ARHGAP18: variants seen among roughly 807,000 people sequenced by gnomAD.
ARHGAP18 encodes rho GTPase-activating protein 18.
In ARHGAP18, 67 loss-of-function variants were observed where a neutral mutation model predicts 86.2. The ratio of observed to expected loss-of-function variants is 0.78; its 90% CI spans 0.64 to 0.95. The LOEUF is 0.95. Ranked by LOEUF, ARHGAP18 falls within the 40% of genes least tolerant of loss-of-function variation. The probability of loss-of-function intolerance (pLI) is 0.00; values close to 1 mark genes in which losing one functional copy is unlikely to be tolerated. For missense variants in ARHGAP18, 691 were observed against 780.4 expected, an observed-to-expected ratio of 0.89 and a Z score of 1.37; for synonymous variants, 283 against 280.4, an observed-to-expected ratio of 1.01 and a Z score of -0.09.
chr6:129,607,269 G>T (rs1788873118), intron 9 of ARHGAP18, among the ~76,000 whole-genome samples: 1 of 152,098 alleles, frequency 6.6e-6, no homozygotes, highest in African/African-American at 2.4e-5. Flanking sequence ...TGGATAATTA[G>T]GCCAGTAGAT....
At chr6:129,647,632 T>A (rs1773607171) in intron 1 of ARHGAP18, among the ~76,000 whole-genome samples, 1 of 151,892 alleles carries the variant, frequency 6.6e-6, no homozygotes, top group African/African-American at 2.4e-5. Context: ...GACAGAAGAA[T>A]AAAATTTATT....
chr6:129,653,776 A>G (rs1278340961), intron 1 of ARHGAP18, among the ~76,000 whole-genome samples: 1 of 152,126 alleles, frequency 6.6e-6, no homozygotes, highest in Non-Finnish European at 1.5e-5. Flanking sequence ...CCACATGCAA[A>G]AAGCTACTTG....
intron 1 of ARHGAP18, among the ~76,000 whole-genome samples, chr6:129,655,337 A>AAAAAAAAAAAAAAAAAAAAAAAAAAAAG (rs1773809682): frequency 1.0e-5 from 1 of 98,700 alleles, no homozygotes; most frequent in Non-Finnish European, 2.0e-5. Flanking sequence ...AAAAAAAAAA[A>AAAAAAAAAAAAAAAAAAAAAAAAAAAAG]AAAAGAAAAG....
chr6:129,701,588 G>C (rs937870914), intron 1 of ARHGAP18, among the ~76,000 whole-genome samples: 4 of 152,152 alleles, frequency 2.6e-5, no homozygotes, highest in Admixed American at 1.3e-4. Context: ...TGACTAACAT[G>C]GTGAAACCCC....
intron 6 of ARHGAP18, among the ~76,000 whole-genome samples, chr6:129,617,476 A>G (rs915987043): frequency 5.3e-5 from 8 of 152,212 alleles, no homozygotes; most frequent in Admixed American, 1.3e-4. Flanking sequence ...AAAAGATGCA[A>G]TCTCAAGGAT....
intron 1 of ARHGAP18, among the ~76,000 whole-genome samples, chr6:129,643,264 C>T (rs925885263): frequency 1.3e-5 from 2 of 151,992 alleles, no homozygotes; most frequent in Admixed American, 1.3e-4. Context: ...AATTGTAGTA[C>T]CCATAAGCCC....
intron 1 of ARHGAP18, among the ~76,000 whole-genome samples, chr6:129,649,848 G>T (rs922345172): frequency 6.6e-6 from 1 of 151,622 alleles, no homozygotes; most frequent in Non-Finnish European, 1.5e-5. Flanking sequence ...CCAATTCATA[G>T]GTGCTGGGTT....
At chr6:129,701,380 C>T (rs1386919910) in intron 1 of ARHGAP18, among the ~76,000 whole-genome samples, 1 of 152,192 alleles carries the variant, frequency 6.6e-6, no homozygotes, top group Non-Finnish European at 1.5e-5. Flanking sequence ...CCCTGCTTTT[C>T]TAAAAAGATC....
intron 5 of ARHGAP18, 71 bp from the exon 6 acceptor site, chr6:129,618,923 A>G: frequency 1.5e-6 from 2 of 1,345,048 alleles, no homozygotes; most frequent in Non-Finnish European, 2.0e-6. Flanking sequence ...GGAAGGAAAA[A>G]CCAACTACAG....
intron 5 of ARHGAP18, among the ~76,000 whole-genome samples, chr6:129,624,504 A>G (rs1482774485): frequency 1.3e-5 from 2 of 151,754 alleles, no homozygotes; most frequent in African/African-American, 4.8e-5. Context: ...TGACAGAGCG[A>G]GATTCCATCT....
rs1788189254 is a variant in ARHGAP18, at chr6:129,576,957, C to T, written c.*1556G>A. 6.6e-6 allele frequency: 1 copy of T among 151,752 alleles called. No homozygotes were observed. The highest frequency in any genetic ancestry group is 2.4e-5 in the African/African-American group (1 of 41,328). 9.4% of individuals were successfully genotyped at this position (151,752 alleles called of 1,614,324 possible). On this transcript the variant is annotated 3_prime_UTR_variant, in exon 15 of 15. Transcript: ENST00000368149. ...ACATATTTACATCTCTGACATCTTC[C>T]TACTTTAAAAATTACAAAGAAAATA...
chr6:129,610,173 T>C (rs2114459834), intron 8 of ARHGAP18, among the ~76,000 whole-genome samples: 1 of 152,344 alleles, frequency 6.6e-6, no homozygotes, highest in East Asian at 1.9e-4. Context: ...ATTTGGAAGA[T>C]AGGGTAAAAG....
At chr6:129,694,813 T>C (rs2114549972) in intron 1 of ARHGAP18, among the ~76,000 whole-genome samples, 1 of 152,342 alleles carries the variant, frequency 6.6e-6, no homozygotes, top group Non-Finnish European at 1.5e-5. Flanking sequence ...ATAGAAGATA[T>C]TAAGTAAAAA....
chr6:129,602,874 A>G (rs1278702212), intron 10 of ARHGAP18, among the ~76,000 whole-genome samples: 1 of 152,040 alleles, frequency 6.6e-6, no homozygotes, highest in African/African-American at 2.4e-5. Flanking sequence ...AAATACTACT[A>G]TCAGAATACT....
At chr6:129,631,761 T>TA (rs1562701863) in intron 4 of ARHGAP18, among the ~76,000 whole-genome samples, 73 of 136,320 alleles carry the variant, frequency 5.4e-4, no homozygotes, top group African/African-American at 1.4e-3. Flanking sequence ...TGCTTCTATT[T>TA]TAAAAAAAAA....
chr6:129,660,294 CGAT>C (rs1232003314), intron 1 of ARHGAP18, among the ~76,000 whole-genome samples: 1 of 152,134 alleles, frequency 6.6e-6, no homozygotes, highest in Non-Finnish European at 1.5e-5. Context: ...GATCGCTGAG[CGAT>C]GATAAGGTCC....
chr6:129,631,761 T>TAA (rs1562701863), intron 4 of ARHGAP18, among the ~76,000 whole-genome samples: 7 of 136,238 alleles, frequency 5.1e-5, no homozygotes, highest in South Asian at 2.3e-4. Context: ...TGCTTCTATT[T>TAA]TAAAAAAAAA....
Position 129,629,414 on chromosome 6 carries a change from T to G in ARHGAP18, c.725A>C (p.Asn242Thr). Reference protein sequence around the residue: ...LEVSFAEQALNQKESSKEKIQ... With the variant: ...LEVSFAEQALTQKESSKEKIQ... ...TTTCTCCTTGGAGCTCTCTTTCTGA[T>G]TGAGTGCTTGCTCGGCAAATGATAC... Residue 242 changes from asparagine (N) to threonine (T), a missense_variant, in exon 5 of 15, where the codon AAT becomes ACT. By Grantham distance (65) the Asn-to-Thr change is moderately conservative (BLOSUM62 0). Coordinates refer to ENST00000368149, the MANE Select transcript of ARHGAP18 (RefSeq NM_033515.3). The G allele has an allele frequency of 6.2e-7, 1 of 1,613,974 alleles. No individual in the cohort carries two copies. The highest frequency in any genetic ancestry group is 1.1e-5 in the South Asian group (1 of 91,072).
chr6:129,622,189 T>C (rs1169647654), intron 5 of ARHGAP18, among the ~76,000 whole-genome samples: 4 of 152,166 alleles, frequency 2.6e-5, no homozygotes, highest in African/African-American at 2.4e-5. Context: ...TGGAGGGCCA[T>C]TGGCTTCGTG....
Sources: gnomAD v4.1 joint callset for allele counts (sites outside exome capture counted in the v4.1 genomes callset) on GRCh38, gnomAD v4.1.1 for gene constraint, MANE v1.5 for transcripts, NCBI Gene and HGNC (gene_info 2026-07-23, HGNC 2026-07-21) for gene names.